The following ACACA variants were observed in gnomAD, a reference collection of about 807,000 sequenced individuals.
ACACA encodes acetyl-CoA carboxylase 1.
A neutral mutation model predicts 296.1 loss-of-function variants in ACACA; 103 were observed. The ratio of observed to expected loss-of-function variants is 0.35; its 90% CI spans 0.30 to 0.41. The LOEUF (loss-of-function observed/expected upper bound fraction) is 0.41, where lower values mean the gene tolerates loss of function less well. ACACA is among the 10% of genes least tolerant of loss of function. ACACA has a pLI of 1.00. For synonymous variants in ACACA, 953 were observed against 1,038.6 expected, an observed-to-expected ratio of 0.92 and a Z score of 1.58; for missense variants, 1,554 against 2,989.7, an observed-to-expected ratio of 0.52 and a Z score of 11.20.
chr17:37,278,955 G>C (rs1202402706), intron 5 of ACACA, among the ~76,000 whole-genome samples: 2 of 152,124 alleles, frequency 1.3e-5, no homozygotes, highest in Admixed American at 6.6e-5. Flanking sequence ...ATGGTGGTTT[G>C]CTGTACCTAT....
chr17:37,253,148 T>C, intron 14 of ACACA, 112 bp from the exon 15 acceptor site: 1 of 1,477,126 alleles, frequency 6.8e-7, no homozygotes, highest in Non-Finnish European at 9.4e-7. Context: ...TCCTAACACT[T>C]TGGGAGGCCA....
chr17:37,313,885 T>C (rs959401562), intron 3 of ACACA, among the ~76,000 whole-genome samples: 1 of 149,502 alleles, frequency 6.7e-6, no homozygotes, highest in Non-Finnish European at 1.5e-5. Flanking sequence ...ATCAGTATAT[T>C]GAAGAGATAT....
At chr17:37,339,085 C>T (rs1313813766) in intron 2 of ACACA, among the ~76,000 whole-genome samples, 2 of 152,110 alleles carry the variant, frequency 1.3e-5, no homozygotes, top group East Asian at 3.9e-4. Context: ...CAGCAAAAAG[C>T]CTATTTCTTT....
intron 1 of ACACA, among the ~76,000 whole-genome samples, chr17:37,395,703 C>T (rs556505973): frequency 5.9e-5 from 9 of 152,104 alleles, no homozygotes; most frequent in Admixed American, 2.6e-4. Context: ...CCACCATGCT[C>T]GGCTAATTTT....
At chr17:37,289,970 C>A (rs1460562941) in intron 3 of ACACA, among the ~76,000 whole-genome samples, 1 of 152,162 alleles carries the variant, frequency 6.6e-6, no homozygotes, top group Non-Finnish European at 1.5e-5. Flanking sequence ...TTATTCATCC[C>A]TTGAGGTCAG....
intron 1 of ACACA, among the ~76,000 whole-genome samples, chr17:37,348,933 A>G (rs1737722293): frequency 1.4e-5 from 2 of 147,754 alleles, no homozygotes; most frequent in Non-Finnish European, 3.0e-5. Context: ...TGGGCGACAG[A>G]GTGAGACTCC....
rs192983498 is a variant in ACACA, at chr17:37,377,706, A to T, written c.38+28556T>A. ...ATAAATAAATAAATAAATAAATAAA[A>T]GTAAAGTCTTTTTAGAGAGTGTTTG... is the stretch of plus-strand genomic sequence containing the variant. On this transcript the variant is annotated intron_variant, in intron 1 of 55. Transcript: ENST00000616317. Among the ~76,000 whole-genome samples the T allele has an allele frequency of 4.2e-4, 63 of 148,588 alleles. No homozygotes were observed. The East Asian group carries it at 9.8e-3, about 23-fold the overall frequency.
In ACACA at chr17:37,085,974, C is replaced by CAGTA. The variant is rs1469607440; in HGVS notation, c.*1338_*1341dup. The CAGTA allele has an allele frequency of 1.5e-4, 58 of 397,140 alleles. No homozygotes were observed. The highest frequency in any genetic ancestry group is 2.1e-4 in the Non-Finnish European group (47 of 225,472). The allele number at this position is 397,140 out of a possible 1,614,324, so 24.6% of individuals were successfully genotyped here. On this transcript the variant is annotated 3_prime_UTR_variant, in exon 56 of 56. Transcript: ENST00000616317. ...ACTCTTGCTTTAGGAACAGAGGAATCAGTAAGTTCTTTTCTTGAATAAACT... is the reference window on the plus strand; with the variant it reads ...ACTCTTGCTTTAGGAACAGAGGAATCAGTAAGTAAGTTCTTTTCTTGAATAAACT...
At chr17:37,266,623 G>A (rs943490114) in intron 10 of ACACA, among the ~76,000 whole-genome samples, 1 of 152,120 alleles carries the variant, frequency 6.6e-6, no homozygotes, top group African/African-American at 2.4e-5. Flanking sequence ...TTTGCCAGCT[G>A]GAGAGACTCG....
chr17:37,263,616 T>C (rs947188210), intron 11 of ACACA, 69 bp downstream of exon 11: 7 of 1,300,762 alleles, frequency 5.4e-6, no homozygotes, highest in East Asian at 2.3e-5. Context: ...TGTTCTCAGA[T>C]TGGTACATGA....
At chr17:37,200,582 A>C (rs1207876828) in intron 33 of ACACA, 99 bp from the exon 34 acceptor site, 1 of 1,109,844 alleles carries the variant, frequency 9.0e-7, no homozygotes, top group African/African-American at 1.6e-5. Context: ...GGAGTTAAAC[A>C]TCCTTTTTGG....
At chr17:37,317,145 G>A (rs2047135281) in intron 3 of ACACA, among the ~76,000 whole-genome samples, 1 of 151,358 alleles carries the variant, frequency 6.6e-6, no homozygotes, top group Non-Finnish European at 1.5e-5. Flanking sequence ...AAAGCAGAAA[G>A]CAGAGCTGTA....
In ACACA at chr17:37,270,867, A is replaced by G; in HGVS notation, c.1009-6T>C. The G allele has an allele frequency of 6.2e-7, 1 of 1,605,722 alleles. No individual in the cohort carries two copies. The highest frequency in any genetic ancestry group is 1.7e-4 in the Middle Eastern group (1 of 6,048). ...TATCCAACTTCCTCAGCTGCCTTCA[A>G]AAAGAAAGAAAAAAAAAATAGAAGA... On this transcript the variant is annotated splice_polypyrimidine_tract_variant and splice_region_variant and intron_variant, in intron 9 of 55. Coordinates refer to ENST00000616317, the MANE Select transcript of ACACA (RefSeq NM_198834.3).
chr17:37,244,208 A>C (rs985488990), intron 21 of ACACA, among the ~76,000 whole-genome samples: 7 of 151,980 alleles, frequency 4.6e-5, no homozygotes, highest in African/African-American at 1.7e-4. Context: ...TAAAAAAAAA[A>C]AAAAAAAATT....
chr17:37,217,690 G>A lies in ACACA; in HGVS notation c.3683+4034C>T, dbSNP rs531420462. Among the ~76,000 whole-genome samples, 159 of 132,320 alleles carry A rather than the reference G, an allele frequency of 1.2e-3. 1 individual carries two copies. Among genetic ancestry groups the A allele is most frequent in the African/African-American group, 4.4e-3 (155 of 34,896 alleles). The allele number at this position is 132,320 out of a possible 152,430, so 86.8% of individuals were successfully genotyped here. ...GCAGAGCTTGCAGTGAGCCCAGATC[G>A]CGCCACTGCACTCCAGCCTGGGCGA... On this transcript the variant is annotated intron_variant, in intron 29 of 55. Coordinates refer to ENST00000616317, the MANE Select transcript of ACACA (RefSeq NM_198834.3).
At chr17:37,174,014 ATATATAT>A (rs1180888249) in intron 41 of ACACA, among the ~76,000 whole-genome samples, 1 of 14,014 alleles carries the variant, frequency 7.1e-5, no homozygotes, top group Non-Finnish European at 1.2e-4. Context: ...ATATATATAT[ATATATAT>A]TTTTTTTTTT....
chr17:37,353,632 C>T (rs1405202754), intron 1 of ACACA, among the ~76,000 whole-genome samples: 2 of 105,240 alleles, frequency 1.9e-5, no homozygotes, highest in Admixed American at 1.2e-4. Context: ...GAGCAAGACT[C>T]CGTCTAAAAA....
At chr17:37,167,333 G>A (rs371329237) in intron 41 of ACACA, among the ~76,000 whole-genome samples, 29 of 146,290 alleles carry the variant, frequency 2.0e-4, no homozygotes, top group East Asian at 4.0e-4. Flanking sequence ...GTACAGTGGC[G>A]TGATCTTGGC....
At chr17:37,269,622 A>C (rs2081976535) in intron 10 of ACACA, among the ~76,000 whole-genome samples, 1 of 152,168 alleles carries the variant, frequency 6.6e-6, no homozygotes, top group Non-Finnish European at 1.5e-5. Flanking sequence ...CAGTATTGTA[A>C]AGTTGTTTGT....
Sources: gnomAD v4.1 joint callset for allele counts (sites outside exome capture counted in the v4.1 genomes callset) on GRCh38, gnomAD v4.1.1 for gene constraint, MANE v1.5 for transcripts, NCBI Gene and HGNC (gene_info 2026-07-23, HGNC 2026-07-21) for gene names.